Variants in FRAS1 observed in about 807,000 individuals in gnomAD.
The protein encoded by FRAS1 is Fraser extracellular matrix complex subunit 1, also known as extracellular matrix organizing protein FRAS1.
Under a neutral mutation model 435.2 loss-of-function variants are expected in FRAS1, and 290 were observed. That is an observed-to-expected ratio of 0.67 (90% CI 0.61 to 0.73). FRAS1 has a LOEUF of 0.73. FRAS1 is among the 30% of genes least tolerant of loss of function. The pLI is 0.00. For synonymous variants in FRAS1, 1,800 were observed against 1,851.0 expected (o/e 0.97, Z 0.71); for missense variants, 4,860 against 5,001.5 (o/e 0.97, Z 0.85).
intron 14 of FRAS1, among the ~76,000 whole-genome samples, chr4:78,298,028 C>CTA (rs1307535540): frequency 2.7e-3 from 273 of 101,968 alleles, no homozygotes; most frequent in East Asian, 7.8e-3. Flanking sequence ...CTCTCTCTCT[C>CTA]TCTATATATA....
chr4:78,311,926 A>G (rs1040586977), intron 15 of FRAS1, among the ~76,000 whole-genome samples: 1 of 151,992 alleles, frequency 6.6e-6, no homozygotes, highest in African/African-American at 2.4e-5. Flanking sequence ...AGTTCATTTT[A>G]TGGAGTTTCC....
At chr4:78,216,127 G>A (rs1281952420) in intron 2 of FRAS1, among the ~76,000 whole-genome samples, 1 of 152,168 alleles carries the variant, frequency 6.6e-6, no homozygotes, top group African/African-American at 2.4e-5. Context: ...CATCGAATGT[G>A]CTTAGTGGAT....
In FRAS1 at chr4:78,363,559, T is replaced by C. The variant is rs1247753849; in HGVS notation, c.2469T>C (p.Thr823=). Reference sequence around the variant, plus strand: ...ACTGTGCAGCTGATCTCCACAACACTGGGAGCATCTGCCTCAGGTGCCAGA... The same window carrying C: ...ACTGTGCAGCTGATCTCCACAACACCGGGAGCATCTGCCTCAGGTGCCAGA... ...CQHCAADLHN[T]GSICLRCQNA... The change falls in exon 21 of 74, where the codon ACT becomes ACC. Residue 823 remains threonine (T), a synonymous_variant. Transcript: ENST00000512123. 4.3e-6 allele frequency: 7 copies of C among 1,613,346 alleles called. 2 individuals carry two copies. The South Asian group carries it at 7.7e-5, about 18-fold the overall frequency.
At position 78,191,728 on chromosome 4, in the gene FRAS1, T is replaced by A. The variant is rs567416628; in HGVS notation, c.109-45782T>A. ...CACAACAGGCCCCGGTGTGTGATGT[T>A]CCCCTTCCTGTGTCCATGTGTTCTC... On this transcript the variant is annotated intron_variant, in intron 2 of 73. Transcript: ENST00000512123. Among the ~76,000 whole-genome samples, 145 of 152,098 alleles carry A rather than the reference T, an allele frequency of 9.5e-4. 1 individual carries two copies. Among genetic ancestry groups the A allele is most frequent in the African/African-American group, 3.4e-3 (143 of 41,454 alleles).
At chr4:78,456,779 A>T (rs926034530) in intron 47 of FRAS1, among the ~76,000 whole-genome samples, 6 of 152,202 alleles carry the variant, frequency 3.9e-5, no homozygotes, top group African/African-American at 1.4e-4. Flanking sequence ...CCTGAACCAA[A>T]TAATTGTTCT....
intron 27 of FRAS1, among the ~76,000 whole-genome samples, chr4:78,381,507 C>T (rs903812443): frequency 6.6e-6 from 1 of 152,180 alleles, no homozygotes; most frequent in Admixed American, 6.5e-5. Flanking sequence ...CCAGGCTGGT[C>T]TCGAACTCCT....
At position 78,210,197 on chromosome 4, in the gene FRAS1, C is replaced by A. The variant is rs75381099; in HGVS notation, c.109-27313C>A. Reference sequence around the variant, plus strand: ...CCCCTTCCCTAGCCCTCACAACTCTCTTTTATTTAATCTATCTAATAGCTT... The same window carrying A: ...CCCCTTCCCTAGCCCTCACAACTCTATTTTATTTAATCTATCTAATAGCTT... On this transcript the variant is annotated intron_variant, in intron 2 of 73. Transcript: ENST00000512123. Among the ~76,000 whole-genome samples the A allele has an allele frequency of 4.7e-4, 72 of 152,296 alleles. No individual in the cohort carries two copies. The East Asian group carries it at 0.01, about 22-fold the overall frequency.
At position 78,526,078 on chromosome 4, in the gene FRAS1, C is replaced by G. The variant is rs574808596; in HGVS notation, c.10809-463C>G. Among the ~76,000 whole-genome samples the G allele has an allele frequency of 1.3e-3, 191 of 152,286 alleles. 2 individuals carry two copies. The highest frequency in any genetic ancestry group is 4.1e-3 in the African/African-American group (172 of 41,562). On this transcript the variant is annotated intron_variant, in intron 69 of 73. Coordinates refer to ENST00000512123, the MANE Select transcript of FRAS1 (RefSeq NM_025074.7). ...CCTGGAATCCTGAGGCATTTGCTAC[C>G]TCCTGTGTCACAGCAGCACCTGACA...
chr4:78,188,301 C>G, intron 2 of FRAS1, among the ~76,000 whole-genome samples: 1 of 10,384 alleles, frequency 9.6e-5, no homozygotes, highest in Non-Finnish European at 0.011. Context: ...ATCTATCTAT[C>G]TATCTATCTA....
intron 2 of FRAS1, among the ~76,000 whole-genome samples, chr4:78,196,479 T>C (rs1009502774): frequency 6.6e-6 from 1 of 152,238 alleles, no homozygotes; most frequent in Non-Finnish European, 1.5e-5. Context: ...TATAAAACCT[T>C]ACTAGAGGTC....
intron 2 of FRAS1, among the ~76,000 whole-genome samples, chr4:78,131,524 C>T (rs1719682726): frequency 1.3e-5 from 2 of 152,146 alleles, no homozygotes; most frequent in Admixed American, 6.5e-5. Flanking sequence ...GGAGGAATGA[C>T]TATTGTGTTA....
rs1400594985 is a variant in FRAS1, at chr4:78,477,740, C to T, written c.7852-75C>T. ...GCCCACTGGACTTGGATGCTCTTTT[C>T]CTATGATGCCCTGGGGAAGCAGAGC... is the stretch of plus-strand genomic sequence containing the variant. On this transcript the variant is annotated intron_variant, in intron 54 of 73. Transcript: ENST00000512123. The T allele has an allele frequency of 1.8e-5, 27 of 1,534,990 alleles. No individual in the cohort carries two copies. The South Asian group carries it at 3.5e-4, about 20-fold the overall frequency.
chr4:78,462,861 G>C (rs1719412509), intron 47 of FRAS1, among the ~76,000 whole-genome samples: 1 of 152,188 alleles, frequency 6.6e-6, no homozygotes, highest in Non-Finnish European at 1.5e-5. Context: ...GATAAGGAGA[G>C]ATGCAAATGT....
chr4:78,166,292 C>G (rs1479560459), intron 2 of FRAS1, among the ~76,000 whole-genome samples: 1 of 151,936 alleles, frequency 6.6e-6, no homozygotes, highest in East Asian at 1.9e-4. Context: ...GAAAACATTT[C>G]AAGACCATTT....
At position 78,513,531 on chromosome 4, in the gene FRAS1, T is replaced by A; in HGVS notation, c.10153T>A (p.Tyr3385Asn). Reference protein sequence around the residue: ...QHVCSNLVTTYDLRGISEAGF... With the variant: ...QHVCSNLVTTNDLRGISEAGF... ...CGTCTGCTCCAATTTAGTTACCACC[T>A]ATGACCTGAGAGGCATCTCAGGTGA... The change falls in exon 65 of 74, where the codon TAT (tyrosine) becomes AAT (asparagine). Residue 3385 changes from tyrosine (Y) to asparagine (N), a missense_variant. Transcript: ENST00000512123. 6.2e-7 allele frequency: 1 copy of A among 1,613,576 alleles called. No homozygotes were observed. Among genetic ancestry groups the A allele is most frequent in the South Asian group, 1.1e-5 (1 of 91,074 alleles).
chr4:78,513,152 A>C (rs1721092245), intron 64 of FRAS1, among the ~76,000 whole-genome samples: 1 of 152,014 alleles, frequency 6.6e-6, no homozygotes, highest in Non-Finnish European at 1.5e-5. Flanking sequence ...TATAGAAAAA[A>C]AATCTATAAT....
In FRAS1 at chr4:78,540,806, C is replaced by T; in HGVS notation, c.11721C>T (p.Gly3907=). The change falls in exon 74 of 74, where the codon GGC becomes GGT. Residue 3907 remains glycine (G), a synonymous_variant. Coordinates refer to ENST00000512123, the MANE Select transcript of FRAS1 (RefSeq NM_025074.7). ...ASLSQTGASI[G]SALAAIMLLL... is the part of the protein sequence containing the mutation. ...TGTCACAGACTGGGGCGTCCATTGGCAGTGCCCTGGCTGCAATCATGCTTC... is the reference window on the plus strand; with the variant it reads ...TGTCACAGACTGGGGCGTCCATTGGTAGTGCCCTGGCTGCAATCATGCTTC... 6.2e-7 allele frequency: 1 copy of T among 1,613,902 alleles called. No homozygotes were observed. The highest frequency in any genetic ancestry group is 1.3e-5 in the African/African-American group (1 of 75,046).
At chr4:78,130,857 A>G (rs1052523300) in intron 2 of FRAS1, among the ~76,000 whole-genome samples, 2 of 152,216 alleles carry the variant, frequency 1.3e-5, no homozygotes, top group African/African-American at 4.8e-5. Context: ...AACTATAGCT[A>G]AAAAGTCATA....
At chr4:78,223,867 AT>A (rs1724158391) in intron 2 of FRAS1, among the ~76,000 whole-genome samples, 1 of 152,198 alleles carries the variant, frequency 6.6e-6, no homozygotes, top group African/African-American at 2.4e-5. Context: ...CAGCTAAGCA[AT>A]TCTTATACAC....
Sources: allele counts gnomAD v4.1 joint callset (sites outside exome capture counted in the v4.1 genomes callset), GRCh38; gene constraint gnomAD v4.1.1; transcripts MANE v1.5; gene names NCBI Gene and HGNC (gene_info 2026-07-23, HGNC 2026-07-21).